Variants in CCDC69 observed in about 807,000 individuals in gnomAD.
The protein encoded by CCDC69 is coiled-coil domain containing 69.
A neutral mutation model predicts 40.3 loss-of-function variants in CCDC69; 38 were observed. The observed-to-expected ratio is 0.94, with a 90% CI of 0.73 to 1.24. The LOEUF (loss-of-function observed/expected upper bound fraction) is 1.24. CCDC69 is among the 50% of genes most tolerant of loss of function. The pLI, the probability that CCDC69 is intolerant of heterozygous loss-of-function variation, is 0.00. For missense variants in CCDC69, 389 were observed against 357.9 expected (o/e 1.09, Z -0.70); for synonymous variants, 141 against 138.9 (o/e 1.02, Z -0.11).
Position 151,185,955 on chromosome 5 carries a change from T to C in CCDC69, c.495+68A>G, listed in dbSNP as rs1582038209. 1.0e-5 allele frequency: 11 copies of C among 1,054,706 alleles called. No homozygotes were observed. In the East Asian group the frequency reaches 2.6e-4, roughly 25 times the overall value. The allele number at this position is 1,054,706 out of a possible 1,614,324, so 65.3% of individuals were successfully genotyped here. A position where few individuals can be genotyped will look rare whatever the true frequency, so the allele number is the denominator to read the frequency against. The stretch of plus-strand genomic sequence containing the variant: ...TTGTCCTTGAAGAGGGGCTGGTCTT[T>C]CCTGTTGCCCGGCCCTGACCTCCCT... On this transcript the variant is annotated intron_variant, in intron 6 of 8. Coordinates refer to ENST00000355417, the MANE Select transcript of CCDC69 (RefSeq NM_015621.3).
chr5:151,192,221 G>A (rs1752624845), intron 4 of CCDC69, among the ~76,000 whole-genome samples: 1 of 148,510 alleles, frequency 6.7e-6, no homozygotes, highest in Non-Finnish European at 1.5e-5. Context: ...AATAAGGGGG[G>A]TGGGTGGGGA....
At chr5:151,185,674 CT>C in intron 6 of CCDC69, 133 bp from the exon 7 acceptor site, 1 of 863,854 alleles carries the variant, frequency 1.2e-6, no homozygotes, top group Non-Finnish European at 1.9e-6. Context: ...GTTTAATATG[CT>C]TTATCTCCCT....
rs1752452323 is a variant in CCDC69, at chr5:151,184,700, G to C, written c.616-259C>G. 5 of 374,488 alleles carry C rather than the reference G, an allele frequency of 1.3e-5. No homozygotes were observed. In the South Asian group the frequency reaches 2.1e-4, roughly 16 times the overall value. The allele number at this position is 374,488 out of a possible 1,614,324, so 23.2% of individuals were successfully genotyped here. A position where few individuals can be genotyped will look rare whatever the true frequency, so the allele number is the denominator to read the frequency against. The stretch of plus-strand genomic sequence containing the variant: ...TTTCACCATGAGTTCATGGAAGAAA[G>C]AATATGTTTTGTTCTCCAAAAGTCA... On this transcript the variant is annotated intron_variant, in intron 7 of 8. Transcript: ENST00000355417.
Position 151,182,924 on chromosome 5 carries a change from C to T in CCDC69, c.*513G>A, listed in dbSNP as rs1039202922. Reference sequence around the variant, plus strand: ...ACCCCTACTCTGGCCTTCAGACAATCCTAGAATGGGACACTGCAGTGACAT... The same window carrying T: ...ACCCCTACTCTGGCCTTCAGACAATTCTAGAATGGGACACTGCAGTGACAT... On this transcript the variant is annotated 3_prime_UTR_variant, in exon 9 of 9. Coordinates refer to ENST00000355417, the MANE Select transcript of CCDC69 (RefSeq NM_015621.3). 1 of 402,684 alleles carries T rather than the reference C, an allele frequency of 2.5e-6. No homozygotes were observed. Among genetic ancestry groups the T allele is most frequent in the Non-Finnish European group, 5.0e-6 (1 of 198,742 alleles). The allele number at this position is 402,684 out of a possible 1,614,324, so 24.9% of individuals were successfully genotyped here. A position where few individuals can be genotyped will look rare whatever the true frequency, so the allele number is the denominator to read the frequency against.
chr5:151,183,576 A>G lies in CCDC69; in HGVS notation c.752T>C (p.Leu251Pro). 6.2e-7 allele frequency: 1 copy of G among 1,612,608 alleles called. No individual in the cohort carries two copies. The highest frequency in any genetic ancestry group is 8.5e-7 in the Non-Finnish European group (1 of 1,179,600). Residue 251 changes from leucine to proline, a missense_variant, in exon 9 of 9, where the codon CTG becomes CCG. By Grantham distance (98) the Leu-to-Pro change is moderately conservative (BLOSUM62 -3). Transcript: ENST00000355417. ...SEDLLLTREA[L>P]EKEVQLRRQL... Reference sequence around the variant, plus strand: ...TCGCCGCAGCTGCACCTCCTTCTCCAGGGCCTCACGCGTGAGAAGCAGGTC... The same window carrying G: ...TCGCCGCAGCTGCACCTCCTTCTCCGGGGCCTCACGCGTGAGAAGCAGGTC...
chr5:151,197,236 T>C (rs542369124), intron 4 of CCDC69, among the ~76,000 whole-genome samples: 3 of 152,182 alleles, frequency 2.0e-5, no homozygotes, highest in African/African-American at 7.2e-5. Context: ...AGATAAGAAG[T>C]GACTGCTTAG....
chr5:151,189,258 A>T (rs1752569678), intron 4 of CCDC69, among the ~76,000 whole-genome samples: 4 of 152,210 alleles, frequency 2.6e-5, no homozygotes. Context: ...AATAATAGAA[A>T]AATAGAAAGT....
At chr5:151,216,983 A>T (rs1040662621) in intron 1 of CCDC69, among the ~76,000 whole-genome samples, 1 of 152,116 alleles carries the variant, frequency 6.6e-6, no homozygotes, top group Non-Finnish European at 1.5e-5. Context: ...CGATACAAAC[A>T]TACAGCCAGA....
At chr5:151,193,569 GGAAGAAA>G (rs1396323356) in intron 4 of CCDC69, among the ~76,000 whole-genome samples, 2 of 151,488 alleles carry the variant, frequency 1.3e-5, no homozygotes, top group African/African-American at 4.8e-5. Context: ...GGAAAAAAGA[GGAAGAAA>G]GAAGAAAGAG....
intron 1 of CCDC69, among the ~76,000 whole-genome samples, chr5:151,216,336 G>A (rs1753039717): frequency 6.6e-6 from 1 of 151,152 alleles, no homozygotes; most frequent in Non-Finnish European, 1.5e-5. Flanking sequence ...GTCATCTCCA[G>A]AGAATGGACT....
chr5:151,197,027 C>T (rs944753815), intron 4 of CCDC69, among the ~76,000 whole-genome samples: 9 of 152,044 alleles, frequency 5.9e-5, no homozygotes, highest in African/African-American at 2.2e-4. Context: ...ATTACCCAGC[C>T]GTAAAAAGAA....
At chr5:151,220,308 T>G (rs1753115787) in intron 1 of CCDC69, among the ~76,000 whole-genome samples, 1 of 152,104 alleles carries the variant, frequency 6.6e-6, no homozygotes, top group Non-Finnish European at 1.5e-5. Context: ...AGAACAACCC[T>G]ATGGCACAGG....
chr5:151,183,289 G>T lies in CCDC69; in HGVS notation c.*148C>A. The T allele has an allele frequency of 1.1e-6, 1 of 905,886 alleles. No homozygotes were observed. Among genetic ancestry groups the T allele is most frequent in the Non-Finnish European group, 1.8e-6 (1 of 559,804 alleles). The allele number at this position is 905,886 out of a possible 1,614,324, so 56.1% of individuals were successfully genotyped here. On this transcript the variant is annotated 3_prime_UTR_variant, in exon 9 of 9. Transcript: ENST00000355417. The stretch of plus-strand genomic sequence containing the variant: ...ATTCCATGTAACTCAAGGCCCCAGG[G>T]CTCACTGGGCACACACCCAGGATCT...
intron 1 of CCDC69, among the ~76,000 whole-genome samples, chr5:151,221,794 C>T (rs1212123506): frequency 6.6e-6 from 1 of 152,252 alleles, no homozygotes; most frequent in East Asian, 1.9e-4. Flanking sequence ...GTAGCCTGAG[C>T]TCATTTTTGT....
chr5:151,199,031 C>A lies in CCDC69; in HGVS notation c.285G>T (p.Arg95Ser), dbSNP rs61066192. ...CCTCTTCATTCTTTCCTTCCAGGAC[C>A]CTTTGCTGCTCATCCAGTCTGTCTC... ...ELRDRLDEQQ[R>S]VLEGKNEEAL... Residue 95 changes from arginine to serine, a missense_variant, in exon 4 of 9, where the codon AGG (arginine) becomes AGT (serine). Coordinates refer to ENST00000355417, the MANE Select transcript of CCDC69 (RefSeq NM_015621.3). 1 of 1,614,124 alleles carries A rather than the reference C, an allele frequency of 6.2e-7. No homozygotes were observed. Among genetic ancestry groups the A allele is most frequent in the South Asian group, 1.1e-5 (1 of 91,088 alleles).
chr5:151,200,267 T>G (rs944958767), intron 3 of CCDC69, among the ~76,000 whole-genome samples: 6 of 152,120 alleles, frequency 3.9e-5, no homozygotes, highest in African/African-American at 1.4e-4. Context: ...GCTTCCCAAG[T>G]AGCTGGGATT....
intron 5 of CCDC69, among the ~76,000 whole-genome samples, chr5:151,186,410 A>C (rs1582038487): frequency 1.8e-5 from 1 of 55,746 alleles, no homozygotes; most frequent in Non-Finnish European, 3.5e-5. Flanking sequence ...GGAGATAGGG[A>C]GGGGAAGGGA....
chr5:151,185,331 C>T (rs1582037856), intron 7 of CCDC69, 91 bp downstream of exon 7: 1 of 1,476,530 alleles, frequency 6.8e-7, no homozygotes, highest in East Asian at 2.3e-5. Context: ...GGGACCTCCT[C>T]AAACCACCTC....
At chr5:151,206,204 T>G (rs776430960) in intron 1 of CCDC69, among the ~76,000 whole-genome samples, 1 of 152,094 alleles carries the variant, frequency 6.6e-6, no homozygotes, top group Admixed American at 6.5e-5. Context: ...TTGTAAAGGA[T>G]AGTACGAAGG....
Sources: gnomAD v4.1 joint callset for allele counts (sites outside exome capture counted in the v4.1 genomes callset) on GRCh38, gnomAD v4.1.1 for gene constraint, MANE v1.5 for transcripts, NCBI Gene and HGNC (gene_info 2026-07-23, HGNC 2026-07-21) for gene names.